Variants in ARID1B observed in about 807,000 individuals in gnomAD.
ARID1B encodes AT-rich interactive domain-containing protein 1B.
Under a neutral mutation model 212.3 loss-of-function variants are expected in ARID1B, and 30 were observed. That is an observed-to-expected ratio of 0.14 (90% CI 0.11 to 0.19). The LOEUF (loss-of-function observed/expected upper bound fraction) is 0.19. Among genes scored for constraint, ARID1B ranks in the 10% least tolerant of loss-of-function variants. The probability of loss-of-function intolerance (pLI) is 1.00; values close to 1 mark genes in which losing one functional copy is unlikely to be tolerated. For synonymous variants in ARID1B, 1,402 were observed against 1,301.7 expected (o/e 1.08, Z -1.66); for missense variants, 2,891 against 3,204.0 (o/e 0.90, Z 2.36).
chr6:156,934,851 T>G (rs1792030351), intron 3 of ARID1B, among the ~76,000 whole-genome samples: 1 of 145,876 alleles, frequency 6.9e-6, no homozygotes, highest in Admixed American at 6.9e-5. Flanking sequence ...TGAACTAGTC[T>G]TCTTCCTGCA....
At chr6:156,843,460 G>A (rs1185196299) in intron 2 of ARID1B, among the ~76,000 whole-genome samples, 1 of 152,082 alleles carries the variant, frequency 6.6e-6, no homozygotes, top group East Asian at 1.9e-4. Context: ...GCCGTAACTG[G>A]GGCTTTGCTC....
chr6:157,080,356 T>C (rs953771382), intron 4 of ARID1B, among the ~76,000 whole-genome samples: 1 of 152,238 alleles, frequency 6.6e-6, no homozygotes, highest in Non-Finnish European at 1.5e-5. Context: ...TATCCTTTGG[T>C]GAGCTAACTT....
intron 1 of ARID1B, among the ~76,000 whole-genome samples, chr6:156,814,645 C>T (rs993508413): frequency 3.3e-5 from 5 of 152,012 alleles, no homozygotes; most frequent in African/African-American, 4.8e-5. Flanking sequence ...CATGAGCTTG[C>T]GGGAGAGATG....
chr6:156,885,926 T>G (rs1334243414), intron 2 of ARID1B, among the ~76,000 whole-genome samples: 1 of 152,212 alleles, frequency 6.6e-6, no homozygotes, highest in Non-Finnish European at 1.5e-5. Context: ...ATCCCTCATC[T>G]GAAAATCCAA....
intron 2 of ARID1B, among the ~76,000 whole-genome samples, chr6:156,831,973 T>G (rs1356401791): frequency 1.3e-5 from 2 of 152,276 alleles, no homozygotes; most frequent in Non-Finnish European, 2.9e-5. Context: ...ATTGCCTTTT[T>G]ACCTTTTCAT....
intron 1 of ARID1B, among the ~76,000 whole-genome samples, chr6:156,783,567 A>G (rs1366619720): frequency 2.0e-5 from 3 of 152,176 alleles, no homozygotes; most frequent in African/African-American, 4.8e-5. Context: ...TTCTGATGTA[A>G]TAGGAACACT....
At chr6:157,065,849 A>G (rs1225038124) in intron 4 of ARID1B, among the ~76,000 whole-genome samples, 2 of 152,212 alleles carry the variant, frequency 1.3e-5, no homozygotes, top group Non-Finnish European at 2.9e-5. Flanking sequence ...TAATGTAAGT[A>G]TTGTGGAGGT....
intron 4 of ARID1B, among the ~76,000 whole-genome samples, chr6:157,030,987 G>T (rs1258277845): frequency 2.6e-5 from 4 of 152,042 alleles, no homozygotes; most frequent in African/African-American, 9.7e-5. Flanking sequence ...CCGTCATGTG[G>T]TCTGTCATGC....
chr6:156,933,875 G>A (rs545300744), intron 3 of ARID1B, among the ~76,000 whole-genome samples: 29 of 152,146 alleles, frequency 1.9e-4, no homozygotes, highest in Non-Finnish European at 2.8e-4. Context: ...TGAAAAGCAG[G>A]TCGCACCAAC....
At position 156,854,653 on chromosome 6, in the gene ARID1B, G is replaced by A. The variant is rs79420722; in HGVS notation, c.1986+25232G>A. On this transcript the variant is annotated intron_variant, in intron 2 of 19. Transcript: ENST00000636930. ...CTGCTGCTGTAAACCGTCGCGGTGTGCCCCCGCACCCATCCCGGCCATCCT... is the reference window on the plus strand; with the variant it reads ...CTGCTGCTGTAAACCGTCGCGGTGTACCCCCGCACCCATCCCGGCCATCCT... 1.1e-4 allele frequency among the ~76,000 whole-genome samples: 17 copies of A among 152,324 alleles called. No homozygotes were observed. In the East Asian group the frequency reaches 3.1e-3, roughly 28 times the overall value.
intron 4 of ARID1B, among the ~76,000 whole-genome samples, chr6:157,073,711 G>T (rs17165176): frequency 0.027 from 4,165 of 152,276 alleles, 286 homozygotes; most frequent in East Asian, 0.27. Context: ...GTGAAGAAAT[G>T]ATTGCACCAG....
intron 1 of ARID1B, among the ~76,000 whole-genome samples, chr6:156,812,889 A>AG (rs1781649370): frequency 6.6e-6 from 1 of 150,660 alleles, no homozygotes; most frequent in Non-Finnish European, 1.5e-5. Context: ...AAAAAAAAAA[A>AG]AAGCTTTCCT....
intron 2 of ARID1B, among the ~76,000 whole-genome samples, chr6:156,855,404 T>C (rs1784844099): frequency 6.6e-6 from 1 of 152,212 alleles, no homozygotes; most frequent in African/African-American, 2.4e-5. Flanking sequence ...GAGGAAGGCG[T>C]GTGCTAACAC....
Position 157,111,046 on chromosome 6 carries a change from T to C in ARID1B, c.2581+485T>C, listed in dbSNP as rs150517191. 1.1e-4 allele frequency: 17 copies of C among 157,172 alleles called. No individual in the cohort carries two copies. The East Asian group carries it at 3.1e-3, about 29-fold the overall frequency. 9.7% of individuals were successfully genotyped at this position (157,172 alleles called of 1,614,324 possible). On this transcript the variant is annotated intron_variant, in intron 6 of 19. Coordinates refer to ENST00000636930, the MANE Select transcript of ARID1B (RefSeq NM_001374828.1). ...CTTAGAACTGGAGCAGACCTAAAAG[T>C]TTCTATGGCCCAGTCACCTAAAGCA...
Position 157,200,850 on chromosome 6 carries a change from T to C in ARID1B, c.4625T>C (p.Ile1542Thr). 1 of 1,614,018 alleles carries C rather than the reference T, an allele frequency of 6.2e-7. No individual in the cohort carries two copies. The change falls in exon 18 of 20, where the codon ATC becomes ACC. Residue 1542 changes from isoleucine to threonine, a missense_variant. By Grantham distance (89) the Ile-to-Thr change is moderately conservative (BLOSUM62 -1). Coordinates refer to ENST00000636930, the MANE Select transcript of ARID1B (RefSeq NM_001374828.1). The surrounding 1 kb of genome is among the most constrained non-coding windows in gnomAD (Gnocchi z 4.3). ...TACTCGGGCCCGGACCGCAGGCCCA[T>C]CCAGGGCCAGTACCCGTATCCCTAC... is the stretch of plus-strand genomic sequence containing the variant. Reference protein sequence around the residue: ...GSYSGPDRRPIQGQYPYPYSR... With the variant: ...GSYSGPDRRPTQGQYPYPYSR...
At chr6:156,792,725 T>C (rs1780094615) in intron 1 of ARID1B, among the ~76,000 whole-genome samples, 2 of 152,196 alleles carry the variant, frequency 1.3e-5, no homozygotes, top group Non-Finnish European at 2.9e-5. Flanking sequence ...TGTATAGCTT[T>C]CAAAGCTGAG....
chr6:156,822,279 T>A (rs1782404280), intron 1 of ARID1B, among the ~76,000 whole-genome samples: 1 of 152,252 alleles, frequency 6.6e-6, no homozygotes, highest in African/African-American at 2.4e-5. Context: ...ACGTGTTAGT[T>A]CAAGTCTTAA....
At chr6:156,928,859 C>T (rs1015674378) in intron 3 of ARID1B, among the ~76,000 whole-genome samples, 6 of 152,094 alleles carry the variant, frequency 3.9e-5, no homozygotes, top group African/African-American at 1.2e-4. Context: ...TAGAAGTGTT[C>T]CACGTATAAA....
At chr6:156,843,509 C>T (rs1432836680) in intron 2 of ARID1B, among the ~76,000 whole-genome samples, 19 of 151,990 alleles carry the variant, frequency 1.3e-4, no homozygotes, top group Admixed American at 1.2e-3. Context: ...AAGAGATATG[C>T]TGAGTAGTGC....
Sources: gnomAD v4.1 joint callset for allele counts (sites outside exome capture counted in the v4.1 genomes callset) on GRCh38, gnomAD v4.1.1 for gene constraint, Gnocchi (gnomAD v3.1) non-coding constraint, MANE v1.5 for transcripts, NCBI Gene and HGNC (gene_info 2026-07-23, HGNC 2026-07-21) for gene names.